NUP88: variants seen among roughly 807,000 people sequenced by gnomAD.
NUP88 encodes the protein nucleoporin 88, also known as nuclear pore complex protein Nup88.
A neutral mutation model predicts 93.9 loss-of-function variants in NUP88; 57 were observed. That is an observed-to-expected ratio of 0.61 (90% confidence interval 0.49 to 0.76). The LOEUF (loss-of-function observed/expected upper bound fraction) is 0.76, where lower values mean the gene tolerates loss of function less well. Ranked by LOEUF, NUP88 falls within the 30% of genes least tolerant of loss-of-function variation. The probability of loss-of-function intolerance (pLI) is 0.00; values close to 1 mark genes in which losing one functional copy is unlikely to be tolerated. For missense variants in NUP88, 911 were observed against 901.0 expected, an observed-to-expected ratio of 1.01 and a Z score of -0.14; for synonymous variants, 346 against 336.8, an observed-to-expected ratio of 1.03 and a Z score of -0.30.
chr17:5,396,632 T>C (rs1012951583), intron 8 of NUP88, among the ~76,000 whole-genome samples: 2 of 152,212 alleles, frequency 1.3e-5, no homozygotes, highest in African/African-American at 4.8e-5. Context: ...GGTCTTCATT[T>C]CTCTTGGAAA....
intron 7 of NUP88, among the ~76,000 whole-genome samples, chr17:5,400,268 G>A (rs1436323346): frequency 1.3e-5 from 2 of 151,978 alleles, no homozygotes; most frequent in Non-Finnish European, 2.9e-5. Context: ...GGAGGCCGAG[G>A]TGGGAGGATC....
intron 7 of NUP88, among the ~76,000 whole-genome samples, chr17:5,400,745 A>G (rs1332034394): frequency 6.6e-6 from 1 of 152,218 alleles, no homozygotes; most frequent in Non-Finnish European, 1.5e-5. Flanking sequence ...TAGTTATCAC[A>G]AAAGACTTTA....
At chr17:5,411,392 C>A (rs148855797) in intron 3 of NUP88, among the ~76,000 whole-genome samples, 1 of 151,924 alleles carries the variant, frequency 6.6e-6, no homozygotes, top group Admixed American at 6.6e-5. Flanking sequence ...GATGAAACCC[C>A]GTCTCTACTA....
intron 8 of NUP88, among the ~76,000 whole-genome samples, chr17:5,398,933 G>A (rs1394608937): frequency 7.0e-6 from 1 of 142,972 alleles, no homozygotes; most frequent in Non-Finnish European, 1.5e-5. Flanking sequence ...CTGTTGCCCA[G>A]GCTGGAGTGC....
intron 4 of NUP88, among the ~76,000 whole-genome samples, chr17:5,409,119 A>G (rs1346497927): frequency 6.6e-6 from 1 of 152,212 alleles, no homozygotes; most frequent in Non-Finnish European, 1.5e-5. Context: ...CATGCCTGTA[A>G]TCCCAGCAAT....
intron 8 of NUP88, among the ~76,000 whole-genome samples, chr17:5,397,937 C>G (rs1374546936): frequency 6.6e-6 from 1 of 150,768 alleles, no homozygotes; most frequent in Admixed American, 6.6e-5. Flanking sequence ...GAGTCTTGCT[C>G]TGTCACCCAG....
chr17:5,392,745 G>A (rs1321987468), intron 9 of NUP88, among the ~76,000 whole-genome samples: 1 of 152,078 alleles, frequency 6.6e-6, no homozygotes, highest in African/African-American at 2.4e-5. Flanking sequence ...TTCACTCCTA[G>A]GCAAGACTGT....
chr17:5,416,157 A>AGTATATAT (rs1376858837), intron 2 of NUP88, among the ~76,000 whole-genome samples: 34 of 125,426 alleles, frequency 2.7e-4, no homozygotes, highest in Non-Finnish European at 4.0e-4. Context: ...AAAAAAAAAA[A>AGTATATAT]AAAAAAAAAG....
In NUP88 at chr17:5,400,503, A is replaced by AC. The variant is rs1342210174; in HGVS notation, c.1193-854_1193-853insG. 9.4e-4 allele frequency among the ~76,000 whole-genome samples: 139 copies of AC among 147,740 alleles called. 2 individuals are homozygous for AC. Among genetic ancestry groups the AC allele is most frequent in the African/African-American group, 2.1e-3 (87 of 40,634 alleles). ...AGTGAAACTCCGTCTCAAAAAAAAA[A>AC]AAAAAAAAAAAAAACTCAATCCAAA... On this transcript the variant is annotated intron_variant, in intron 7 of 16. Coordinates refer to ENST00000573584, the MANE Select transcript of NUP88 (RefSeq NM_002532.6).
chr17:5,385,509 G>C lies in NUP88; in HGVS notation c.*697C>G, dbSNP rs1597309323. 1 of 230,766 alleles carries C rather than the reference G, an allele frequency of 4.3e-6. No homozygotes were observed. Among genetic ancestry groups the C allele is most frequent in the Non-Finnish European group, 8.6e-6 (1 of 116,504 alleles). The allele number at this position is 230,766 out of a possible 1,614,324, so 14.3% of individuals were successfully genotyped here. ...GAACTCACATTGGCAAGTGTAAAAA[G>C]ATGACTTAAGGTGAAGTGAGGACAA... On this transcript the variant is annotated 3_prime_UTR_variant, in exon 17 of 17. Coordinates refer to ENST00000573584, the MANE Select transcript of NUP88 (RefSeq NM_002532.6).
intron 16 of NUP88, 30 bp downstream of exon 16, chr17:5,386,678 G>T: frequency 7.2e-7 from 1 of 1,381,432 alleles, no homozygotes; most frequent in Non-Finnish European, 1.0e-6. Context: ...ACTATCTCAC[G>T]ATAATAGCTG....
intron 3 of NUP88, among the ~76,000 whole-genome samples, chr17:5,412,041 C>T (rs1425251161): frequency 6.6e-6 from 1 of 152,192 alleles, no homozygotes; most frequent in Non-Finnish European, 1.5e-5. Flanking sequence ...TCCTTTTGCT[C>T]TGAAACTGCC....
Position 5,385,461 on chromosome 17 carries a change from A to G in NUP88, c.*745T>C. 1 of 230,538 alleles carries G rather than the reference A, an allele frequency of 4.3e-6. No homozygotes were observed. The highest frequency in any genetic ancestry group is 8.6e-6 in the Non-Finnish European group (1 of 116,448). 14.3% of individuals were successfully genotyped at this position (230,538 alleles called of 1,614,324 possible). On this transcript the variant is annotated 3_prime_UTR_variant, in exon 17 of 17. Coordinates refer to ENST00000573584, the MANE Select transcript of NUP88 (RefSeq NM_002532.6). ...ATTGACAGTCACTCAGCCATTTCTA[A>G]GCAGATATAGTAGTACCTTTCAGAA...
At chr17:5,401,025 G>A (rs1209047566) in intron 7 of NUP88, among the ~76,000 whole-genome samples, 1 of 152,026 alleles carries the variant, frequency 6.6e-6, no homozygotes. Context: ...ATAAACTACT[G>A]AATACCTATT....
chr17:5,401,707 G>C (rs2871210), intron 7 of NUP88, among the ~76,000 whole-genome samples: 66,468 of 152,022 alleles, frequency 0.44, 15,301 homozygotes, highest in East Asian at 0.84. Context: ...TTTCATTTGC[G>C]TATGTTTTAA....
Position 5,391,512 on chromosome 17 carries a change from T to C in NUP88, c.1484+49A>G, listed in dbSNP as rs767095086. ...ACTGAGTGCATTTTCCCAACTTAGA[T>C]ATTGCAGAATTAACAAGAGCTGTGT... is the stretch of plus-strand genomic sequence containing the variant. On this transcript the variant is annotated intron_variant, in intron 10 of 16. Transcript: ENST00000573584. 4.8e-6 allele frequency: 7 copies of C among 1,456,630 alleles called. No homozygotes were observed. In the African/African-American group the frequency reaches 5.6e-5, roughly 12 times the overall value. 90.2% of individuals were successfully genotyped at this position (1,456,630 alleles called of 1,614,324 possible). A position where few individuals can be genotyped will look rare whatever the true frequency, so the allele number is the denominator to read the frequency against.
chr17:5,406,661 G>A (rs1913509316), intron 5 of NUP88, among the ~76,000 whole-genome samples: 1 of 152,014 alleles, frequency 6.6e-6, no homozygotes, highest in African/African-American at 2.4e-5. Context: ...TGCAGAGAAG[G>A]GTGTATAATC....
At chr17:5,412,939 ACT>A (rs1210748514) in intron 3 of NUP88, among the ~76,000 whole-genome samples, 1 of 152,094 alleles carries the variant, frequency 6.6e-6, no homozygotes, top group Non-Finnish European at 1.5e-5. Context: ...CAGACCGCAC[ACT>A]CTCCAATCAC....
Position 5,419,341 on chromosome 17 carries a change from G to A in NUP88, c.297+13C>T, listed in dbSNP as rs761927450. ...CCCGGTGAGGGTCACTTCCAAGATC[G>A]GCCTGGCATTACCTGGTACTGGGAC... On this transcript the variant is annotated intron_variant, in intron 1 of 16. Coordinates refer to ENST00000573584, the MANE Select transcript of NUP88 (RefSeq NM_002532.6). The A allele has an allele frequency of 4.5e-6, 7 of 1,543,274 alleles. No homozygotes were observed. The African/African-American group carries it at 8.4e-5, about 18-fold the overall frequency.
Sources: allele counts gnomAD v4.1 joint callset (sites outside exome capture counted in the v4.1 genomes callset), GRCh38; gene constraint gnomAD v4.1.1; transcripts MANE v1.5; gene names NCBI Gene and HGNC (gene_info 2026-07-23, HGNC 2026-07-21).